SMAD5: variants seen among roughly 807,000 people sequenced by gnomAD.
SMAD5 encodes MAD, mothers against decapentaplegic homolog 5.
A neutral mutation model predicts 43.1 loss-of-function variants in SMAD5; 9 were observed. The observed-to-expected ratio is 0.21, with a 90% CI of 0.13 to 0.36. SMAD5 has a LOEUF of 0.36. Ranked by LOEUF, SMAD5 falls within the 10% of genes least tolerant of loss-of-function variation. The pLI is 1.00. For missense variants in SMAD5, 348 were observed against 574.0 expected (o/e 0.61, Z 4.02); for synonymous variants, 190 against 192.4 (o/e 0.99, Z 0.10).
chr5:136,152,738 C>T (rs1055384889), intron 2 of SMAD5: 3 of 152,180 alleles, frequency 2.0e-5, no homozygotes, highest in African/African-American at 7.2e-5. Flanking sequence ...AAGTGAGTCT[C>T]CCGAATAACT....
chr5:136,149,101 A>G (rs879290839), intron 2 of SMAD5, among the ~76,000 whole-genome samples: 1 of 151,852 alleles, frequency 6.6e-6, no homozygotes, highest in Non-Finnish European at 1.5e-5. Flanking sequence ...AATGTTGTGT[A>G]GATGGAATAA....
intron 1 of SMAD5, among the ~76,000 whole-genome samples, chr5:136,137,042 T>C (rs1157268806): frequency 6.8e-6 from 1 of 146,002 alleles, no homozygotes; most frequent in Non-Finnish European, 1.5e-5. Context: ...TTTTTTGCCT[T>C]GGGCAGCTAG....
At chr5:136,154,775 T>C (rs1370265004) in intron 3 of SMAD5, among the ~76,000 whole-genome samples, 4 of 152,150 alleles carry the variant, frequency 2.6e-5, no homozygotes, top group Non-Finnish European at 4.4e-5. Context: ...CTTGTCGAGA[T>C]CACTAGTGAC....
chr5:136,174,671 A>G (rs757426262), intron 7 of SMAD5, 39 bp downstream of exon 7: 8 of 1,446,776 alleles, frequency 5.5e-6, no homozygotes, highest in Middle Eastern at 1.8e-4. Context: ...GTCACTATAA[A>G]TGTGTATATT....
At chr5:136,137,059 T>A (rs7702138) in intron 1 of SMAD5, among the ~76,000 whole-genome samples, 51,824 of 144,848 alleles carry the variant, frequency 0.36, 10,193 homozygotes, top group African/African-American at 0.54. Flanking sequence ...CTAGGGGGGA[T>A]GTTTTTGGCC....
chr5:136,170,026 T>C (rs994422183), intron 5 of SMAD5, among the ~76,000 whole-genome samples: 5 of 152,154 alleles, frequency 3.3e-5, no homozygotes, highest in Non-Finnish European at 4.4e-5. Context: ...TTTTCAGATT[T>C]TTTTTTTCCT....
chr5:136,164,011 C>T (rs1243690567), intron 5 of SMAD5, among the ~76,000 whole-genome samples: 3 of 152,056 alleles, frequency 2.0e-5, no homozygotes, highest in South Asian at 4.2e-4. Context: ...GGTGAAACCC[C>T]GTCTCTACTA....
chr5:136,138,763 G>A (rs897156857), intron 1 of SMAD5, among the ~76,000 whole-genome samples: 2 of 152,136 alleles, frequency 1.3e-5, no homozygotes, highest in Non-Finnish European at 2.9e-5. Context: ...GAGCACCTTG[G>A]TTCCCAAGCC....
At chr5:136,170,200 TAGG>T (rs1282551925) in intron 5 of SMAD5, among the ~76,000 whole-genome samples, 1 of 152,196 alleles carries the variant, frequency 6.6e-6, no homozygotes, top group Non-Finnish European at 1.5e-5. Flanking sequence ...TATTATTTTC[TAGG>T]AGTTTTATAG....
At chr5:136,172,699 G>A in intron 6 of SMAD5, 44 bp downstream of exon 6, 2 of 1,289,766 alleles carry the variant, frequency 1.6e-6, no homozygotes, top group Admixed American at 1.7e-5. Flanking sequence ...TCAATCATTT[G>A]TTGTACTTGC....
chr5:136,174,858 A>T (rs1000842028), intron 7 of SMAD5, among the ~76,000 whole-genome samples: 1 of 152,168 alleles, frequency 6.6e-6, no homozygotes, highest in Admixed American at 6.5e-5. Context: ...ATTGATTTTG[A>T]TATTGAATAG....
intron 3 of SMAD5, among the ~76,000 whole-genome samples, chr5:136,155,150 C>T (rs1753594453): frequency 2.0e-5 from 3 of 152,170 alleles, no homozygotes; most frequent in African/African-American, 7.2e-5. Flanking sequence ...GACATTTCCA[C>T]TTGAATATTT....
At chr5:136,134,040 G>GC (rs1354558822) in intron 1 of SMAD5, 2 of 19,916 alleles carry the variant, frequency 1.0e-4, no homozygotes, top group Non-Finnish European at 2.0e-4. Flanking sequence ...GGAGCTTTGG[G>GC]GGGGGGGGGG....
At chr5:136,176,464 A>G (rs1240060423) in intron 7 of SMAD5, among the ~76,000 whole-genome samples, 1 of 140,382 alleles carries the variant, frequency 7.1e-6, no homozygotes, top group African/African-American at 2.6e-5. Flanking sequence ...TCACAAAAAA[A>G]AAAAAAAAAA....
intron 3 of SMAD5, among the ~76,000 whole-genome samples, chr5:136,154,607 TA>T (rs1047662701): frequency 6.6e-6 from 1 of 151,688 alleles, no homozygotes; most frequent in Admixed American, 6.6e-5. Context: ...AAATAAAACT[TA>T]AAAAAAAATT....
rs373959193 is a variant in SMAD5, at chr5:136,174,515, C to T, written c.1137C>T (p.Ser379=). The change falls in exon 7 of 8, where the codon AGC becomes AGT. Residue 379 remains serine, a synonymous_variant. Transcript: ENST00000545279. ...TCTGTAAGATTCCCAGCAGCTGCAGCCTCAAAATTTTTAACAATCAGGAGT... is the reference window on the plus strand; with the variant it reads ...TCTGTAAGATTCCCAGCAGCTGCAGTCTCAAAATTTTTAACAATCAGGAGT... The part of the protein sequence containing the change: ...TTVCKIPSSC[S]LKIFNNQEFA... 1.8e-4 allele frequency: 297 copies of T among 1,613,790 alleles called. No individual in the cohort carries two copies. The highest frequency in any genetic ancestry group is 1.5e-3 in the Middle Eastern group (9 of 6,084).
At chr5:136,138,143 A>G (rs574346331) in intron 1 of SMAD5, among the ~76,000 whole-genome samples, 1 of 152,292 alleles carries the variant, frequency 6.6e-6, no homozygotes, top group South Asian at 2.1e-4. Context: ...CTGTTTAATT[A>G]GGGGACTTAG....
chr5:136,137,270 A>ACCCCCCC (rs61537356), intron 1 of SMAD5, among the ~76,000 whole-genome samples: 7 of 125,220 alleles, frequency 5.6e-5, no homozygotes, highest in African/African-American at 1.2e-4. Flanking sequence ...ATTTTTTGGG[A>ACCCCCCC]CCCCCCCCCG....
rs376959743 is a variant in SMAD5 at position 136,160,908 on chromosome 5, C to T, written c.456C>T (p.Ser152=). The change falls in exon 4 of 8, where the codon AGC becomes AGT. Residue 152 remains serine (S), a synonymous_variant. Transcript: ENST00000545279. The part of the protein sequence containing the change: ...PRHNEFNPQH[S]LLVQFRNLSH... ...ATAATGAATTCAATCCACAACACAG[C>T]CTTCTGGTTCAGTTTAGGAACCTGA... The T allele has an allele frequency of 1.2e-5, 19 of 1,613,772 alleles. No individual in the cohort carries two copies. Among genetic ancestry groups the T allele is most frequent in the Non-Finnish European group, 1.6e-5 (19 of 1,179,820 alleles).
Sources: allele counts gnomAD v4.1 joint callset (sites outside exome capture counted in the v4.1 genomes callset), GRCh38; gene constraint gnomAD v4.1.1; transcripts MANE v1.5; gene names NCBI Gene and HGNC (gene_info 2026-07-23, HGNC 2026-07-21).